Variants in SCN1A observed in about 807,000 individuals in gnomAD.
The protein encoded by SCN1A is sodium voltage-gated channel alpha subunit 1.
A neutral mutation model predicts 193.7 loss-of-function variants in SCN1A; 13 were observed. The observed-to-expected ratio is 0.07, with a 90% CI of 0.04 to 0.11. The LOEUF (loss-of-function observed/expected upper bound fraction) is 0.11, where lower values mean the gene tolerates loss of function less well. Ranked by LOEUF, SCN1A falls within the 10% of genes least tolerant of loss-of-function variation. SCN1A has a pLI of 1.00. For synonymous variants in SCN1A, 781 were observed against 843.6 expected (o/e 0.93, Z 1.29); for missense variants, 1,432 against 2,451.1 (o/e 0.58, Z 8.78).
chr2:166,097,653 C>T (rs113296513), intron 2 of SCN1A, among the ~76,000 whole-genome samples: 6 of 152,312 alleles, frequency 3.9e-5, no homozygotes, highest in Admixed American at 1.3e-4. Flanking sequence ...ATGATCATAG[C>T]TCACTGCAGC....
intron 4 of SCN1A, chr2:166,060,167 C>CT (rs1683139604): frequency 6.6e-6 from 1 of 152,164 alleles, no homozygotes; most frequent in Non-Finnish European, 1.5e-5. Flanking sequence ...TTGAGAAGCA[C>CT]TGCTCCAAGT....
chr2:166,039,526 T>C lies in SCN1A; in HGVS notation c.2486A>G (p.Gln829Arg), dbSNP rs1299251889. ...ACCGTCAAAGATATTCCAGCCTTCT[T>C]GGAAATAATAGTAAGGATCCATGGC... ...IIAMDPYYYFQEGWNIFDGFI... is the reference protein window; with the variant it reads ...IIAMDPYYYFREGWNIFDGFI... Residue 829 changes from glutamine to arginine, a missense_variant, in exon 17 of 29, where the codon CAA becomes CGA. Around this residue, in one of 18 missense-constraint regions of SCN1A, gnomAD observed 93 missense variants for 260.4 expected, o/e 0.36. Transcript: ENST00000674923. 6.2e-7 allele frequency: 1 copy of C among 1,613,932 alleles called. No individual in the cohort carries two copies. The highest frequency in any genetic ancestry group is 2.2e-5 in the East Asian group (1 of 44,848).
chr2:166,127,524 C>T (rs1233958409), intron 1 of SCN1A, among the ~76,000 whole-genome samples: 2 of 151,880 alleles, frequency 1.3e-5, no homozygotes, highest in Admixed American at 6.6e-5. Context: ...GCCAAAGAAT[C>T]CCATCTTCTA....
chr2:166,044,229 A>G (rs1451915810), intron 13 of SCN1A, among the ~76,000 whole-genome samples, 180 bp from the exon 14 acceptor site: 1 of 152,166 alleles, frequency 6.6e-6, no homozygotes, highest in African/African-American at 2.4e-5. Flanking sequence ...CCTTGATAAA[A>G]GAAAGTTTCT....
chr2:166,072,168 CAA>C (rs978050260), intron 4 of SCN1A, among the ~76,000 whole-genome samples: 1 of 152,068 alleles, frequency 6.6e-6, no homozygotes. Flanking sequence ...CCAGGTCCAA[CAA>C]AAAAATTTAC....
chr2:166,039,257 AATT>A (rs377252302), intron 17 of SCN1A, among the ~76,000 whole-genome samples, 163 bp downstream of exon 17: 206 of 152,346 alleles, frequency 1.4e-3, no homozygotes, highest in African/African-American at 4.6e-3. Flanking sequence ...TTTCATAAAT[AATT>A]GAGAATTTTT....
intron 2 of SCN1A, among the ~76,000 whole-genome samples, chr2:166,100,208 A>G (rs1352413210): frequency 3.7e-5 from 5 of 135,334 alleles, no homozygotes; most frequent in Admixed American, 2.3e-4. Flanking sequence ...AAATAACGCC[A>G]CATATCTACA....
At chr2:165,995,161 A>C (rs562336600) in intron 27 of SCN1A, among the ~76,000 whole-genome samples, 19 of 151,986 alleles carry the variant, frequency 1.3e-4, no homozygotes, top group Non-Finnish European at 2.4e-4. Context: ...ATTCTGAGGG[A>C]ATTTTCCAAC....
At chr2:165,985,163 T>G (rs1688532978), downstream of SCN1A, 1 of 151,742 alleles carries the variant, frequency 6.6e-6, no homozygotes, top group African/African-American at 2.4e-5. Context: ...AGGGAAAGAA[T>G]AAAGATAGAA....
intron 26 of SCN1A, 82 bp downstream of exon 26, chr2:165,997,956 T>G: frequency 6.2e-6 from 7 of 1,132,064 alleles, no homozygotes; most frequent in Non-Finnish European, 9.3e-6. Flanking sequence ...TGTTTCTAAA[T>G]TCAAGTACTC....
intron 2 of SCN1A, among the ~76,000 whole-genome samples, chr2:166,104,953 A>C (rs1688529699): frequency 6.6e-6 from 1 of 152,216 alleles, no homozygotes; most frequent in South Asian, 2.1e-4. Context: ...TCCTCAAGGA[A>C]TAAAAATAGC....
intron 19 of SCN1A, among the ~76,000 whole-genome samples, chr2:166,022,945 C>G (rs1349132609): frequency 6.6e-6 from 1 of 151,796 alleles, no homozygotes; most frequent in African/African-American, 2.4e-5. Flanking sequence ...CAGAAAACTG[C>G]AATATTCAGA....
rs553565167 is a variant in SCN1A, at chr2:166,098,101, T to C, written c.-141-20300A>G. ...TTTAAGCTAACATCCCTGATGAATA[T>C]AGACACAAAAATCCTCAACAAAATA... On this transcript the variant is annotated intron_variant, in intron 2 of 28. Transcript: ENST00000674923. Among the ~76,000 whole-genome samples, 21 of 152,250 alleles carry C rather than the reference T, an allele frequency of 1.4e-4. No homozygotes were observed. In the South Asian group the frequency reaches 3.7e-3, roughly 27 times the overall value.
intron 2 of SCN1A, among the ~76,000 whole-genome samples, chr2:166,099,338 A>G (rs555637879): frequency 1.3e-5 from 2 of 150,840 alleles, no homozygotes; most frequent in Admixed American, 6.6e-5. Context: ...CTCTCAATAA[A>G]TTAGGTATTG....
chr2:166,146,780 C>G (rs1337164099), intron 1 of SCN1A, among the ~76,000 whole-genome samples: 1 of 152,128 alleles, frequency 6.6e-6, no homozygotes. Context: ...CAGTATTTAA[C>G]TTCTAAGAGC....
chr2:166,101,439 G>T (rs1340057631), intron 2 of SCN1A, among the ~76,000 whole-genome samples: 4 of 149,454 alleles, frequency 2.7e-5, no homozygotes, highest in African/African-American at 7.4e-5. Flanking sequence ...CAGCGCACCA[G>T]CATGGCACAT....
upstream of SCN1A, among the ~76,000 whole-genome samples, chr2:166,129,134 A>G (rs1691528516): frequency 6.6e-6 from 1 of 152,054 alleles, no homozygotes; most frequent in African/African-American, 2.4e-5. Flanking sequence ...AATACTATTA[A>G]TGTTATTATA....
At chr2:166,054,610 C>G (rs1318118999) in intron 7 of SCN1A, 28 bp downstream of exon 7, 1 of 1,610,674 alleles carries the variant, frequency 6.2e-7, no homozygotes, top group Non-Finnish European at 8.5e-7. Context: ...ACTATGTTCT[C>G]TCTTAAAGTT....
At chr2:166,131,810 G>T (rs545378421), upstream of SCN1A, among the ~76,000 whole-genome samples, 14 of 152,284 alleles carry the variant, frequency 9.2e-5, no homozygotes, top group Admixed American at 7.2e-4. Context: ...GCCTTATGAA[G>T]AGAATTTATT....
Sources: gnomAD v4.1 joint callset for allele counts (sites outside exome capture counted in the v4.1 genomes callset) on GRCh38, gnomAD v4.1.1 for gene constraint, gnomAD v4.1.1 regional missense constraint, MANE v1.5 for transcripts, NCBI Gene and HGNC (gene_info 2026-07-23, HGNC 2026-07-21) for gene names.